Variants in MASP1 observed in about 807,000 individuals in gnomAD.
The protein encoded by MASP1 is MBL associated serine protease 1, also known as mannan-binding lectin serine protease 1.
Under a neutral mutation model 77.1 loss-of-function variants are expected in MASP1, and 59 were observed. The observed-to-expected ratio is 0.77, with a 90% CI of 0.62 to 0.95. The LOEUF is 0.95. Ranked by LOEUF, MASP1 falls within the 40% of genes least tolerant of loss-of-function variation. The probability of loss-of-function intolerance (pLI) is 0.00; values close to 1 mark genes in which losing one functional copy is unlikely to be tolerated. For missense variants in MASP1, 885 were observed against 912.9 expected (o/e 0.97, Z 0.39); for synonymous variants, 362 against 354.5 (o/e 1.02, Z -0.24).
In MASP1 at chr3:187,235,450, G is replaced by A; in HGVS notation, c.*234C>T. The A allele has an allele frequency of 1.3e-6, 2 of 1,511,392 alleles. No homozygotes were observed. The highest frequency in any genetic ancestry group is 1.8e-6 in the Non-Finnish European group (2 of 1,132,530). The allele number at this position is 1,511,392 out of a possible 1,614,324, so 93.6% of individuals were successfully genotyped here. A position where few individuals can be genotyped will look rare whatever the true frequency, so the allele number is the denominator to read the frequency against. ...GCATTGTATTACTCGGTAGAGTGAG[G>A]CCCAGACAGGGAAAGAGACTTGGAC... On this transcript the variant is annotated 3_prime_UTR_variant, in exon 11 of 11. Transcript: ENST00000296280.
chr3:187,276,034 T>C (rs1377462371), intron 2 of MASP1, among the ~76,000 whole-genome samples: 1 of 151,500 alleles, frequency 6.6e-6, no homozygotes, highest in Admixed American at 6.6e-5. Flanking sequence ...ACTGCCATCC[T>C]TGCTATTCTT....
Position 187,236,013 on chromosome 3 carries a change from C to T in MASP1, c.1858G>A (p.Val620Ile). Reference protein sequence around the residue: ...TRTLSDVLQYVKLPVVPHAEC... With the variant: ...TRTLSDVLQYIKLPVVPHAEC... ...GCGTGAGGCACCACGGGTAACTTGA[C>T]ATACTGCAGGACATCTGACAAGGTC... is the stretch of plus-strand genomic sequence containing the variant. The change falls in exon 11 of 11, where the codon GTC (valine) becomes ATC (isoleucine). Residue 620 changes from valine (V) to isoleucine (I), a missense_variant. Val to Ile is a conservative substitution (Grantham distance 29, BLOSUM62 3). Transcript: ENST00000296280. 6.2e-7 allele frequency: 1 copy of T among 1,614,238 alleles called. No homozygotes were observed. The highest frequency in any genetic ancestry group is 8.5e-7 in the Non-Finnish European group (1 of 1,180,046).
Position 187,243,551 on chromosome 3 carries a change from G to A in MASP1, c.1161C>T (p.Thr387=). The A allele has an allele frequency of 2.5e-6, 4 of 1,614,032 alleles. No homozygotes were observed. The highest frequency in any genetic ancestry group is 3.4e-6 in the Non-Finnish European group (4 of 1,179,900). ...LITFSTRNNL[T]TYKSEIKYSC... ...AGTATTTGATCTCAGACTTGTATGT[G>A]GTGAGGTTGTTCCTTGTAGAGAAGG... is the stretch of plus-strand genomic sequence containing the variant. The change falls in exon 9 of 11, where the codon ACC becomes ACT. Residue 387 remains threonine, a synonymous_variant. Transcript: ENST00000296280.
chr3:187,285,693 C>T (rs774185431), intron 2 of MASP1, 132 bp downstream of exon 2: 15 of 771,840 alleles, frequency 1.9e-5, no homozygotes, highest in Non-Finnish European at 3.4e-5. Context: ...TCCACCTTGA[C>T]CTGAATTCAT....
At chr3:187,224,448 G>A (rs893688214) in intron 13 of MASP1, among the ~76,000 whole-genome samples, 6 of 146,806 alleles carry the variant, frequency 4.1e-5, no homozygotes, top group African/African-American at 1.3e-4. Context: ...CCGGGTTCAC[G>A]CCATTCTCCT....
chr3:187,279,480 C>G (rs1717238439), intron 2 of MASP1, among the ~76,000 whole-genome samples: 1 of 152,074 alleles, frequency 6.6e-6, no homozygotes, highest in Non-Finnish European at 1.5e-5. Context: ...ACCCCCAAAT[C>G]ATAGTATAAG....
Position 187,262,445 on chromosome 3 carries a change from C to T in MASP1, c.415+98G>A. 6 of 1,164,860 alleles carry T rather than the reference C, an allele frequency of 5.2e-6. 1 individual carries two copies. The highest frequency in any genetic ancestry group is 1.2e-5 in the South Asian group (1 of 80,090). 72.2% of individuals were successfully genotyped at this position (1,164,860 alleles called of 1,614,324 possible). A position where few individuals can be genotyped will look rare whatever the true frequency, so the allele number is the denominator to read the frequency against. ...CATTAATGGTAAAATCTATGTGGTGCACACACAGATTTCCATCGTAAAGGA... is the reference window on the plus strand; with the variant it reads ...CATTAATGGTAAAATCTATGTGGTGTACACACAGATTTCCATCGTAAAGGA... On this transcript the variant is annotated intron_variant, in intron 3 of 10. Coordinates refer to ENST00000296280, the MANE Select transcript of MASP1 (RefSeq NM_139125.4).
intron 13 of MASP1, among the ~76,000 whole-genome samples, chr3:187,224,340 ATTTTTTTTTT>A (rs1181826969): frequency 0.028 from 2,879 of 102,116 alleles, 123 homozygotes; most frequent in African/African-American, 0.11. Context: ...TGTGCTGAGT[ATTTTTTTTTT>A]TTTTTTTTTT....
chr3:187,285,366 G>C (rs951931674), intron 2 of MASP1, among the ~76,000 whole-genome samples: 7 of 152,002 alleles, frequency 4.6e-5, no homozygotes, highest in African/African-American at 1.7e-4. Flanking sequence ...CTTCATCTCT[G>C]ACTCTTTACT....
intron 2 of MASP1, among the ~76,000 whole-genome samples, chr3:187,275,727 C>A (rs1459979903): frequency 6.6e-6 from 1 of 152,110 alleles, no homozygotes; most frequent in African/African-American, 2.4e-5. Context: ...TGTGTCTGTG[C>A]TATCTGAATG....
intron 2 of MASP1, among the ~76,000 whole-genome samples, chr3:187,275,202 C>T (rs710473): frequency 0.75 from 113,552 of 152,062 alleles, 43,831 homozygotes; most frequent in East Asian, 0.87. Flanking sequence ...TGTTCTTCTG[C>T]GGCAGAAGCT....
chr3:187,283,014 G>A (rs1438830098), intron 2 of MASP1, among the ~76,000 whole-genome samples: 2 of 152,160 alleles, frequency 1.3e-5, no homozygotes, highest in African/African-American at 4.8e-5. Context: ...GAGCAGAGAG[G>A]GTGCTGTAAA....
chr3:187,241,905 C>T lies in MASP1; in HGVS notation c.1229-350G>A, dbSNP rs767524472. 1.2e-4 allele frequency: 35 copies of T among 294,770 alleles called. 1 individual carries two copies. Among genetic ancestry groups the T allele is most frequent in the African/African-American group, 2.0e-4 (9 of 45,670 alleles). The allele number at this position is 294,770 out of a possible 1,614,324, so 18.3% of individuals were successfully genotyped here. A position where few individuals can be genotyped will look rare whatever the true frequency, so the allele number is the denominator to read the frequency against. On this transcript the variant is annotated intron_variant, in intron 9 of 10. Transcript: ENST00000296280. Reference sequence around the variant, plus strand: ...CATGTCCTTTCTCAGCTCAGAATCACGAATGGCTTGCTGTCACCCCCAAAA... The same window carrying T: ...CATGTCCTTTCTCAGCTCAGAATCATGAATGGCTTGCTGTCACCCCCAAAA...
chr3:187,231,640 G>C (rs979870505), downstream of MASP1, among the ~76,000 whole-genome samples: 3 of 152,218 alleles, frequency 2.0e-5, no homozygotes, highest in Non-Finnish European at 4.4e-5. Flanking sequence ...GATACATTTT[G>C]CATCCCTAGG....
At chr3:187,250,174 C>G in intron 8 of MASP1, 77 bp downstream of exon 8, 2 of 1,189,512 alleles carry the variant, frequency 1.7e-6, no homozygotes, top group Non-Finnish European at 1.3e-6. Context: ...CAAGCTTTCA[C>G]CCTTGCATGC....
In MASP1 at chr3:187,236,202, C is replaced by A; in HGVS notation, c.1669G>T (p.Val557Leu). 1.2e-6 allele frequency: 2 copies of A among 1,614,160 alleles called. No individual in the cohort carries two copies. The highest frequency in any genetic ancestry group is 1.7e-6 in the Non-Finnish European group (2 of 1,180,046). The change falls in exon 11 of 11, where the codon GTG becomes TTG. Residue 557 changes from valine (V) to leucine (L), a missense_variant. Transcript: ENST00000296280. ...IQNYNHDIALVQLQEPVPLGP... is the reference protein window; with the variant it reads ...IQNYNHDIALLQLQEPVPLGP... ...AGGGGCACAGGCTCCTGCAGCTGCA[C>A]CAGAGCTATATCGTGGTTGTAGTTT...
intron 9 of MASP1, chr3:187,241,775 C>T (rs986680019): frequency 8.2e-6 from 4 of 486,686 alleles, no homozygotes; most frequent in Non-Finnish European, 1.1e-5. Context: ...CCAAAGGGAC[C>T]AATTAACCTC....
chr3:187,251,666 C>G lies in MASP1; in HGVS notation c.979G>C (p.Val327Leu). ...AKYFFKDQVL[V>L]SCDTGYKVLK... The stretch of plus-strand genomic sequence containing the variant: ...ACTTTGTAGCCTGTGTCACAGCTGA[C>G]GAGCACTTGGTCTTTGAAGAAATAC... Residue 327 changes from valine to leucine, a missense_variant, in exon 7 of 11, where the codon GTC becomes CTC. Val to Leu is a conservative substitution (Grantham distance 32). Transcript: ENST00000296280. The G allele has an allele frequency of 1.2e-6, 2 of 1,614,144 alleles. No homozygotes were observed. Among genetic ancestry groups the G allele is most frequent in the Non-Finnish European group, 1.7e-6 (2 of 1,180,010 alleles).
At chr3:187,265,556 C>T (rs1227880780) in intron 2 of MASP1, among the ~76,000 whole-genome samples, 2 of 152,122 alleles carry the variant, frequency 1.3e-5, no homozygotes, top group Non-Finnish European at 2.9e-5. Context: ...GGCCAGTAGC[C>T]TGGGGCCCTG....
Sources: allele counts gnomAD v4.1 joint callset (sites outside exome capture counted in the v4.1 genomes callset), GRCh38; gene constraint gnomAD v4.1.1; transcripts MANE v1.5; gene names NCBI Gene and HGNC (gene_info 2026-07-23, HGNC 2026-07-21).